SGCZ: variants seen among roughly 807,000 people sequenced by gnomAD.
The protein encoded by SGCZ is sarcoglycan zeta.
Under a neutral mutation model 41.3 loss-of-function variants are expected in SGCZ, and 40 were observed. The ratio of observed to expected loss-of-function variants is 0.97; its 90% confidence interval spans 0.75 to 1.26. SGCZ has a LOEUF of 1.26. Among genes scored for constraint, SGCZ ranks in the 50% most tolerant of loss-of-function variants. The pLI is 0.00. For missense variants in SGCZ, 552 were observed against 369.8 expected (o/e 1.49, Z -4.04); for synonymous variants, 206 against 137.5 (o/e 1.50, Z -3.49).
At chr8:15,135,138 C>A (rs963591302) in intron 1 of SGCZ, among the ~76,000 whole-genome samples, 6 of 152,096 alleles carry the variant, frequency 3.9e-5, no homozygotes, top group Non-Finnish European at 5.9e-5. Context: ...TGAGTTTTGA[C>A]CCTTTCTAAA....
At chr8:14,523,777 C>T (rs924455612) in intron 2 of SGCZ, among the ~76,000 whole-genome samples, 1 of 152,012 alleles carries the variant, frequency 6.6e-6, no homozygotes, top group Non-Finnish European at 1.5e-5. Flanking sequence ...TAAGTTTCAG[C>T]ACCATCCACT....
intron 4 of SGCZ, among the ~76,000 whole-genome samples, chr8:14,196,367 T>C (rs1805267439): frequency 2.0e-5 from 3 of 151,966 alleles, no homozygotes; most frequent in African/African-American, 7.3e-5. Flanking sequence ...GGGTTCAAGT[T>C]ATTCTCCTGC....
chr8:15,037,718 T>C (rs893287237), intron 1 of SGCZ, among the ~76,000 whole-genome samples: 1 of 151,588 alleles, frequency 6.6e-6, no homozygotes, highest in African/African-American at 2.4e-5. Context: ...ATCATATGCA[T>C]GCAGAAAATG....
At chr8:14,941,509 T>C (rs1451173935) in intron 1 of SGCZ, among the ~76,000 whole-genome samples, 1 of 152,096 alleles carries the variant, frequency 6.6e-6, no homozygotes, top group African/African-American at 2.4e-5. Flanking sequence ...TATATTTTCA[T>C]AACAGCCTCT....
chr8:15,133,327 G>A (rs978481838), intron 1 of SGCZ, among the ~76,000 whole-genome samples: 1 of 152,092 alleles, frequency 6.6e-6, no homozygotes, highest in African/African-American at 2.4e-5. Flanking sequence ...TTGTAAGTCA[G>A]TACTTGTTTT....
chr8:14,819,782 C>T (rs748536571), intron 1 of SGCZ, among the ~76,000 whole-genome samples: 1 of 152,012 alleles, frequency 6.6e-6, no homozygotes, highest in Non-Finnish European at 1.5e-5. Context: ...AGTCAAGTTG[C>T]TATGAACCTA....
intron 1 of SGCZ, among the ~76,000 whole-genome samples, chr8:15,030,988 T>C (rs544724418): frequency 1.7e-4 from 26 of 152,292 alleles, no homozygotes; most frequent in African/African-American, 5.5e-4. Flanking sequence ...TAGACAAGTT[T>C]CCTGGAGGAT....
At chr8:14,186,956 G>C (rs993112954) in intron 4 of SGCZ, among the ~76,000 whole-genome samples, 4 of 152,148 alleles carry the variant, frequency 2.6e-5, no homozygotes, top group Non-Finnish European at 4.4e-5. Flanking sequence ...AACTGCATCA[G>C]TCCATGGAGC....
intron 1 of SGCZ, among the ~76,000 whole-genome samples, chr8:14,808,605 A>C (rs1325635922): frequency 6.6e-6 from 1 of 152,196 alleles, no homozygotes; most frequent in Admixed American, 6.5e-5. Flanking sequence ...GATGTGGAGA[A>C]ATAGGAACAC....
At chr8:14,593,140 T>C (rs894105251) in intron 1 of SGCZ, among the ~76,000 whole-genome samples, 1 of 152,160 alleles carries the variant, frequency 6.6e-6, no homozygotes, top group African/African-American at 2.4e-5. Flanking sequence ...ACATGTTACT[T>C]TACATGGTAA....
chr8:14,176,169 A>C (rs977530359), intron 4 of SGCZ, among the ~76,000 whole-genome samples: 1 of 152,216 alleles, frequency 6.6e-6, no homozygotes, highest in African/African-American at 2.4e-5. Flanking sequence ...CATTATCATC[A>C]GTGTTAGCAT....
chr8:14,874,034 G>T (rs73201286), intron 1 of SGCZ, among the ~76,000 whole-genome samples: 9,502 of 152,008 alleles, frequency 0.063, 399 homozygotes, highest in Non-Finnish European at 0.095. Context: ...GAAAACCATG[G>T]AAAACTGTGA....
intron 3 of SGCZ, among the ~76,000 whole-genome samples, chr8:14,247,599 T>C (rs1424937857): frequency 7.2e-5 from 11 of 152,200 alleles, no homozygotes; most frequent in Admixed American, 4.6e-4. Flanking sequence ...GCTGTTGCTT[T>C]AGTCAGATGA....
At chr8:15,051,201 C>T (rs1804501173) in intron 1 of SGCZ, among the ~76,000 whole-genome samples, 2 of 151,824 alleles carry the variant, frequency 1.3e-5, no homozygotes, top group African/African-American at 4.8e-5. Context: ...CCATCTAAGT[C>T]GAAAACGTAA....
intron 1 of SGCZ, among the ~76,000 whole-genome samples, chr8:15,170,430 T>A (rs1799793596): frequency 6.6e-6 from 1 of 152,174 alleles, no homozygotes; most frequent in Non-Finnish European, 1.5e-5. Flanking sequence ...GAAAAATGGA[T>A]AAATGGACAA....
chr8:14,998,305 T>C (rs762999771), intron 1 of SGCZ, among the ~76,000 whole-genome samples: 1 of 152,196 alleles, frequency 6.6e-6, no homozygotes, highest in Non-Finnish European at 1.5e-5. Flanking sequence ...ATCTTTTCCA[T>C]GAAAAATACA....
At chr8:14,733,925 C>T (rs1261378814) in intron 1 of SGCZ, among the ~76,000 whole-genome samples, 2 of 152,186 alleles carry the variant, frequency 1.3e-5, no homozygotes, top group Admixed American at 6.5e-5. Context: ...TGTCTGGATA[C>T]TCAATCAAAG....
intron 1 of SGCZ, among the ~76,000 whole-genome samples, chr8:14,611,939 A>G (rs955285124): frequency 6.6e-5 from 10 of 152,236 alleles, no homozygotes; most frequent in Non-Finnish European, 1.5e-5. Flanking sequence ...TAAATATGAT[A>G]TGTAAATATT....
At chr8:14,103,732 G>C (rs563608494) in intron 6 of SGCZ, among the ~76,000 whole-genome samples, 1 of 151,956 alleles carries the variant, frequency 6.6e-6, no homozygotes, top group African/African-American at 2.4e-5. Context: ...ATAATCCCTG[G>C]AGGGGTGAGG....
Sources: allele counts gnomAD v4.1 joint callset (sites outside exome capture counted in the v4.1 genomes callset), GRCh38; gene constraint gnomAD v4.1.1; transcripts MANE v1.5; gene names NCBI Gene and HGNC (gene_info 2026-07-23, HGNC 2026-07-21).